CORO7: variants seen among roughly 807,000 people sequenced by gnomAD.
CORO7 encodes coronin-7.
In CORO7, 107 loss-of-function variants were observed where a neutral mutation model predicts 126.6. That is an observed-to-expected ratio of 0.85 (90% CI 0.72 to 0.99). The LOEUF (loss-of-function observed/expected upper bound fraction) is 0.99. CORO7 is among the 50% of genes least tolerant of loss of function. The pLI, the probability that CORO7 is intolerant of heterozygous loss-of-function variation, is 0.00. For missense variants in CORO7, 1,314 were observed against 1,255.8 expected, an observed-to-expected ratio of 1.05 and a Z score of -0.70; for synonymous variants, 603 against 536.8, an observed-to-expected ratio of 1.12 and a Z score of -1.70.
chr16:4,392,426 T>C (rs2055427849), intron 7 of CORO7, among the ~76,000 whole-genome samples: 1 of 152,188 alleles, frequency 6.6e-6, no homozygotes, highest in South Asian at 2.1e-4. Flanking sequence ...GGGTCATACA[T>C]GCAGTATAAG....
intron 9 of CORO7, chr16:4,382,766 C>A (rs1415638166): frequency 1.9e-6 from 3 of 1,566,578 alleles, no homozygotes; most frequent in Non-Finnish European, 2.6e-6. Context: ...GTGAAGGTCC[C>A]CTTGGAGCCA....
chr16:4,386,770 G>T (rs1429845298), intron 9 of CORO7, among the ~76,000 whole-genome samples: 3 of 152,178 alleles, frequency 2.0e-5, no homozygotes, highest in African/African-American at 7.2e-5. Flanking sequence ...CCCTCCCTGG[G>T]TGTGACAGGG....
chr16:4,359,743 G>T, intron 21 of CORO7, 122 bp from the exon 22 acceptor site: 1 of 1,298,796 alleles, frequency 7.7e-7, no homozygotes, highest in Non-Finnish European at 1.0e-6. Flanking sequence ...GTGTGGCCCG[G>T]CACCGCAGCC....
Position 4,388,014 on chromosome 16 carries a change from C to A in CORO7, c.757G>T (p.Ala253Ser). ...AGCGAGGTGTCCAAGGTGAGGGAGGCCAGGGCGCTGGAGAAGAACCGCGTG... is the reference window on the plus strand; with the variant it reads ...AGCGAGGTGTCCAAGGTGAGGGAGGACAGGGCGCTGGAGAAGAACCGCGTG... ...WDTRFFSSAL[A>S]SLTLDTSLGC... Residue 253 changes from alanine (A) to serine (S), a missense_variant, in exon 9 of 28, where the codon GCC becomes TCC. Transcript: ENST00000251166. 6.2e-7 allele frequency: 1 copy of A among 1,613,154 alleles called. No individual in the cohort carries two copies. The highest frequency in any genetic ancestry group is 8.5e-7 in the Non-Finnish European group (1 of 1,179,914).
intron 3 of CORO7, 29 bp from the exon 4 acceptor site, chr16:4,408,280 G>A (rs998922685): frequency 2.0e-5 from 33 of 1,614,038 alleles, no homozygotes; most frequent in African/African-American, 8.0e-5. Flanking sequence ...TGAACCCACC[G>A]GAATGTCCTG....
At chr16:4,372,394 G>A (rs2054567468) in intron 9 of CORO7, among the ~76,000 whole-genome samples, 1 of 152,358 alleles carries the variant, frequency 6.6e-6, no homozygotes, top group Non-Finnish European at 1.5e-5. Flanking sequence ...CCGGCAGTAG[G>A]TGCTGCTGTG....
chr16:4,410,348 C>G (rs1312857374), intron 3 of CORO7, among the ~76,000 whole-genome samples: 2 of 152,048 alleles, frequency 1.3e-5, no homozygotes, highest in Non-Finnish European at 2.9e-5. Context: ...TCCCTTGAGC[C>G]CAGGAGTTCA....
At chr16:4,361,760 A>C in intron 16 of CORO7, 1 of 831,768 alleles carries the variant, frequency 1.2e-6, no homozygotes, top group Non-Finnish European at 2.0e-6. Context: ...CAGCTGTGTG[A>C]CCCGGGCAGG....
chr16:4,385,314 G>T (rs546181068), intron 9 of CORO7, among the ~76,000 whole-genome samples: 155 of 152,262 alleles, frequency 1.0e-3, no homozygotes, highest in Non-Finnish European at 2.0e-3. Flanking sequence ...CAGGACCCCA[G>T]CACCTGCTCC....
intron 9 of CORO7, among the ~76,000 whole-genome samples, chr16:4,369,605 C>T (rs2054457663): frequency 6.6e-6 from 1 of 152,198 alleles, no homozygotes; most frequent in Non-Finnish European, 1.5e-5. Flanking sequence ...CGGATAAGCC[C>T]CGCCAGCTCT....
chr16:4,408,196 G>T lies in CORO7; in HGVS notation c.288C>A (p.Gly96=). The part of the protein sequence containing the change: ...SPFDDFLLAT[G]SADRTVKLWR... The stretch of plus-strand genomic sequence containing the variant: ...CTCCACTCACCGTCCTGTCAGCCGA[G>T]CCTGTGGCCAGGAGGAAGTCATCAA... The change falls in exon 4 of 28, where the codon GGC becomes GGA. Residue 96 remains glycine, a synonymous_variant. Transcript: ENST00000251166. The T allele has an allele frequency of 6.2e-7, 1 of 1,614,228 alleles. No homozygotes were observed. Among genetic ancestry groups the T allele is most frequent in the Non-Finnish European group, 8.5e-7 (1 of 1,180,044 alleles).
At chr16:4,411,132 G>C (rs56347491) in intron 3 of CORO7, among the ~76,000 whole-genome samples, 361 of 152,246 alleles carry the variant, frequency 2.4e-3, no homozygotes, top group African/African-American at 8.3e-3. Context: ...GTAATCTGAC[G>C]GGGCCCCAAA....
At chr16:4,395,497 TCCTC>T (rs1203387532) in intron 6 of CORO7, among the ~76,000 whole-genome samples, 158 bp from the exon 7 acceptor site, 1 of 152,086 alleles carries the variant, frequency 6.6e-6, no homozygotes, top group Non-Finnish European at 1.5e-5. Flanking sequence ...TCAGCCCTGT[TCCTC>T]CTCCTCAGCA....
At chr16:4,355,941 T>C in intron 26 of CORO7, among the ~76,000 whole-genome samples, 1 of 151,630 alleles carries the variant, frequency 6.6e-6, no homozygotes, top group Admixed American at 6.6e-5. Flanking sequence ...CCACACCTGG[T>C]TAATTTTTAT....
At position 4,381,247 on chromosome 16, in the gene CORO7, C is replaced by T. The variant is rs753678687; in HGVS notation, c.785+6739G>A. 3.7e-6 allele frequency: 6 copies of T among 1,611,490 alleles called. No individual in the cohort carries two copies. In the Admixed American group the frequency reaches 5.0e-5, roughly 13 times the overall value. On this transcript the variant is annotated intron_variant, in intron 9 of 27. Transcript: ENST00000251166. ...CACCAATGAGACCTTCCGTGGCCTG[C>T]GGCGCCTCGAGCGCCTCTACCTGGG...
rs763182087 is a variant in CORO7, at chr16:4,361,078, C to T, written c.1782G>A (p.Thr594=). 117 of 1,613,306 alleles carry T rather than the reference C, an allele frequency of 7.3e-5. No individual in the cohort carries two copies. The highest frequency in any genetic ancestry group is 7.0e-4 in the South Asian group (64 of 91,084). ...GGAAGCGCAGGGAGCAGATCTTCTC[C>T]GTGTGGCCTGGAGGAAGGCAGGGGT... The part of the protein sequence containing the change: ...TTPETVLTGH[T]EKICSLRFHP... Residue 594 remains threonine (T), a synonymous_variant, in exon 19 of 28, where the codon ACG becomes ACA. Transcript: ENST00000251166.
chr16:4,388,711 G>A, intron 7 of CORO7, 80 bp from the exon 8 acceptor site: 13 of 1,453,304 alleles, frequency 8.9e-6, no homozygotes, highest in African/African-American at 1.4e-5. Flanking sequence ...CTGAGCTGGG[G>A]AACTTCTGCT....
chr16:4,413,462 G>A (rs1379180163), intron 1 of CORO7, 58 bp from the exon 2 acceptor site: 3 of 1,494,874 alleles, frequency 2.0e-6, no homozygotes, highest in East Asian at 2.5e-5. Flanking sequence ...CTCCATGCAT[G>A]CCTAAAGCAA....
chr16:4,403,103 C>T (rs2055873617), intron 6 of CORO7, among the ~76,000 whole-genome samples: 1 of 152,108 alleles, frequency 6.6e-6, no homozygotes, highest in Non-Finnish European at 1.5e-5. Context: ...GCATGAGCAG[C>T]TCCAGTGCAT....
Sources: allele counts gnomAD v4.1 joint callset (sites outside exome capture counted in the v4.1 genomes callset), GRCh38; gene constraint gnomAD v4.1.1; transcripts MANE v1.5; gene names NCBI Gene and HGNC (gene_info 2026-07-23, HGNC 2026-07-21).